The following FSAF1 variants were observed in gnomAD, a reference collection of about 807,000 sequenced individuals.
FSAF1 encodes uncharacterized protein C1orf131.
At chr1:231,225,432 C>A in the FSAF1 span, 7 of 1,590,648 alleles carry the variant, frequency 4.4e-6, no homozygotes, top group Non-Finnish European at 5.2e-6. Context: ...GTAGGTTCAT[C>A]CAGATTGTTC....
At chr1:231,232,934 G>A in the FSAF1 span, among the ~76,000 whole-genome samples, 2 of 152,202 alleles carry the variant, frequency 1.3e-5, no homozygotes, top group Admixed American at 6.5e-5. Flanking sequence ...GCAGACGGCT[G>A]TATGAATATT....
At chr1:231,236,070 C>T in the FSAF1 span, among the ~76,000 whole-genome samples, 1 of 152,062 alleles carries the variant, frequency 6.6e-6, no homozygotes, top group Non-Finnish European at 1.5e-5. Flanking sequence ...TTTTTGCCAC[C>T]CATGTCTGTT....
chr1:231,229,063 T>A, the FSAF1 span: 2 of 795,208 alleles, frequency 2.5e-6, no homozygotes, highest in Non-Finnish European at 3.9e-6. Context: ...TATAAACTTA[T>A]AATAAATTTA....
the FSAF1 span, among the ~76,000 whole-genome samples, chr1:231,227,882 C>A: frequency 6.6e-6 from 1 of 152,196 alleles, no homozygotes; most frequent in Non-Finnish European, 1.5e-5. Flanking sequence ...AGCCACCGCG[C>A]CCCGCCCTCT....
chr1:231,225,522 G>T, the FSAF1 span: 1 of 1,612,358 alleles, frequency 6.2e-7, no homozygotes, highest in Admixed American at 1.7e-5. Flanking sequence ...TGTTTCTTGG[G>T]CCTGATTTCA....
chr1:231,225,798 G>A, the FSAF1 span: 4 of 439,006 alleles, frequency 9.1e-6, no homozygotes, highest in Admixed American at 3.5e-5. Flanking sequence ...AGACCAGCCT[G>A]GGCAACACAG....
the FSAF1 span, chr1:231,224,555 C>T: frequency 1.3e-6 from 1 of 756,784 alleles, no homozygotes; most frequent in Non-Finnish European, 2.0e-6. Flanking sequence ...ATACGCCTTC[C>T]TGTGGTCCCT....
chr1:231,227,913 C>T, the FSAF1 span, among the ~76,000 whole-genome samples: 5 of 152,220 alleles, frequency 3.3e-5, no homozygotes, highest in Middle Eastern at 3.4e-3. Flanking sequence ...ACTTGAACAG[C>T]TGATACAAAG....
At chr1:231,235,683 G>A in the FSAF1 span, among the ~76,000 whole-genome samples, 3 of 152,120 alleles carry the variant, frequency 2.0e-5, 1 homozygote, top group South Asian at 6.2e-4. Context: ...GTGCCCTATA[G>A]TCTTAGCTAC....
At chr1:231,226,242 T>C in the FSAF1 span, 1 of 172,338 alleles carries the variant, frequency 5.8e-6, no homozygotes, top group Non-Finnish European at 1.3e-5. Context: ...TACTTCCCAC[T>C]TCCCATGAGA....
chr1:231,233,697 C>A, the FSAF1 span, among the ~76,000 whole-genome samples: 3 of 152,062 alleles, frequency 2.0e-5, no homozygotes, highest in East Asian at 5.8e-4. Flanking sequence ...GAACTACAGG[C>A]GCATGCCACC....
the FSAF1 span, chr1:231,225,927 T>G: frequency 5.6e-6 from 1 of 178,898 alleles, no homozygotes; most frequent in Non-Finnish European, 1.1e-5. Flanking sequence ...AGGTAGAAAG[T>G]GTAACATCTA....
chr1:231,228,682 G>T, the FSAF1 span, among the ~76,000 whole-genome samples: 1 of 151,538 alleles, frequency 6.6e-6, no homozygotes, highest in Non-Finnish European at 1.5e-5. Flanking sequence ...TTCATTTTTA[G>T]ATATTATAAA....
chr1:231,233,559 A>AT, the FSAF1 span, among the ~76,000 whole-genome samples: 2 of 150,704 alleles, frequency 1.3e-5, no homozygotes, highest in African/African-American at 4.9e-5. Flanking sequence ...TGAACAAAAA[A>AT]TTTTTTTTTT....
chr1:231,240,810 G>A, the FSAF1 span, among the ~76,000 whole-genome samples: 1 of 152,182 alleles, frequency 6.6e-6, no homozygotes, highest in Admixed American at 6.5e-5. This position sits in a 1 kb window ranked among gnomAD's most constrained non-coding sequence, Gnocchi z 4.1. Flanking sequence ...TTGGGGACGA[G>A]TTGGAAGGTT....
At chr1:231,224,497 G>T in the FSAF1 span, 1 of 1,411,074 alleles carries the variant, frequency 7.1e-7, no homozygotes, top group Non-Finnish European at 9.6e-7. Flanking sequence ...GGCCACTGCA[G>T]TCTGGCCTGC....
At chr1:231,232,291 G>A in the FSAF1 span, among the ~76,000 whole-genome samples, 5 of 152,130 alleles carry the variant, frequency 3.3e-5, no homozygotes, top group Non-Finnish European at 7.3e-5. Context: ...GCACACAGGC[G>A]ACTCACGCTT....
chr1:231,235,782 GACA>G, the FSAF1 span, among the ~76,000 whole-genome samples: 1 of 152,192 alleles, frequency 6.6e-6, no homozygotes, highest in Non-Finnish European at 1.5e-5. Context: ...CAGCAGGAGT[GACA>G]GAGTGACACC....
chr1:231,227,665 T>G, the FSAF1 span, among the ~76,000 whole-genome samples: 5 of 138,306 alleles, frequency 3.6e-5, no homozygotes, highest in South Asian at 1.2e-3. Flanking sequence ...TTCAGCTCAC[T>G]GCAAGCTCTG....
Sources: gnomAD v4.1 joint callset for allele counts (sites outside exome capture counted in the v4.1 genomes callset) on GRCh38, gnomAD v4.1.1 for gene constraint, Gnocchi (gnomAD v3.1) non-coding constraint, MANE v1.5 for transcripts, NCBI Gene and HGNC (gene_info 2026-07-23, HGNC 2026-07-21) for gene names.